SAXO5: variants seen among roughly 807,000 people sequenced by gnomAD.
SAXO5 encodes stabilizer of axonemal microtubules 5.
chr19:7,501,297 C>T, the SAXO5 span: 2 of 1,573,546 alleles, frequency 1.3e-6, no homozygotes, highest in Non-Finnish European at 1.7e-6. Flanking sequence ...CTCCCTGCCT[C>T]CTGGCGACCG....
chr19:7,506,910 C>A, the SAXO5 span: 1 of 639,696 alleles, frequency 1.6e-6, no homozygotes. Context: ...TCCTCCCTCC[C>A]CCCTCTCCTA....
the SAXO5 span, chr19:7,506,770 T>A: frequency 2.5e-6 from 1 of 392,424 alleles, no homozygotes; most frequent in Non-Finnish European, 4.6e-6. Context: ...CTTCCCCAGC[T>A]CCTCTCTCCT....
chr19:7,506,874 C>T, the SAXO5 span: 2 of 586,900 alleles, frequency 3.4e-6, no homozygotes. Context: ...CTCCCCCTTC[C>T]TCTGGCTTCT....
the SAXO5 span, chr19:7,501,028 T>G: frequency 6.6e-7 from 1 of 1,524,436 alleles, no homozygotes; most frequent in Non-Finnish European, 8.7e-7. Flanking sequence ...CTTTTCCCAA[T>G]GGACCCGCGC....
the SAXO5 span, among the ~76,000 whole-genome samples, chr19:7,505,065 C>G: frequency 6.6e-6 from 1 of 151,116 alleles, no homozygotes; most frequent in Non-Finnish European, 1.5e-5. Context: ...CTCACTGCAA[C>G]CTCCGCCTCC....
At chr19:7,506,901 C>T in the SAXO5 span, 1 of 602,726 alleles carries the variant, frequency 1.7e-6, no homozygotes, top group Non-Finnish European at 3.0e-6. Flanking sequence ...TTCTTTGGCT[C>T]CTCCCTCCCC....
the SAXO5 span, chr19:7,501,442 G>A: frequency 2.1e-6 from 3 of 1,436,832 alleles, no homozygotes; most frequent in Non-Finnish European, 2.7e-6. Flanking sequence ...GCTTCACATT[G>A]TGGTTCTCAA....
At chr19:7,506,829 T>C in the SAXO5 span, 1 of 337,772 alleles carries the variant, frequency 3.0e-6, no homozygotes, top group Non-Finnish European at 5.6e-6. Context: ...CCCCAGCGCC[T>C]ACCTCTTTCC....
the SAXO5 span, among the ~76,000 whole-genome samples, chr19:7,501,815 C>T: frequency 1.3e-5 from 2 of 148,658 alleles, no homozygotes; most frequent in South Asian, 4.3e-4. Flanking sequence ...AGCAAGGCTC[C>T]GTCTCAAAAA....
At chr19:7,500,776 G>C in the SAXO5 span, 1 of 1,403,400 alleles carries the variant, frequency 7.1e-7, no homozygotes, top group Non-Finnish European at 9.3e-7. Context: ...ATGGGCACTT[G>C]CTCAGTCCCT....
chr19:7,504,367 G>A, the SAXO5 span: 161 of 1,614,148 alleles, frequency 1.0e-4, 1 homozygote, highest in African/African-American at 1.4e-3. Context: ...CAACGTGTTC[G>A]GAGCAGAAAC....
chr19:7,501,045 C>A, the SAXO5 span: 1 of 1,514,902 alleles, frequency 6.6e-7, no homozygotes, highest in African/African-American at 1.4e-5. Flanking sequence ...GCGCTGGGAC[C>A]GGGAAGAGCG....
chr19:7,506,437 C>G, the SAXO5 span: 1 of 518,534 alleles, frequency 1.9e-6, no homozygotes, highest in East Asian at 3.8e-5. Flanking sequence ...CCCGCCCCTT[C>G]ATGGCCATGC....
the SAXO5 span, among the ~76,000 whole-genome samples, chr19:7,498,095 G>A: frequency 0.025 from 3,742 of 147,704 alleles, 65 homozygotes; most frequent in Middle Eastern, 0.055. Flanking sequence ...AGGTTGCAGT[G>A]AGCTGAGAAA....
At chr19:7,497,779 A>G in the SAXO5 span, 1 of 152,214 alleles carries the variant, frequency 6.6e-6, no homozygotes, top group Non-Finnish European at 1.5e-5. Flanking sequence ...TAGTAGTCTC[A>G]GTTGTTGGAT....
At chr19:7,506,700 T>TC in the SAXO5 span, 1 of 354,218 alleles carries the variant, frequency 2.8e-6, no homozygotes, top group Non-Finnish European at 5.3e-6. Flanking sequence ...CCCAAGCTCC[T>TC]CCCCCTTTCT....
the SAXO5 span, among the ~76,000 whole-genome samples, chr19:7,502,468 A>G: frequency 6.6e-5 from 10 of 152,196 alleles, no homozygotes; most frequent in Non-Finnish European, 1.3e-4. Flanking sequence ...CAGCGGGTAG[A>G]GGCCAGAGAT....
chr19:7,501,459 G>T, the SAXO5 span: 1 of 1,397,222 alleles, frequency 7.2e-7, no homozygotes, highest in Non-Finnish European at 9.3e-7. Context: ...TCAAACAGGG[G>T]CAAGGGCTCT....
the SAXO5 span, chr19:7,504,323 G>A: frequency 6.2e-7 from 1 of 1,614,114 alleles, no homozygotes; most frequent in Admixed American, 1.7e-5. Flanking sequence ...CTCCTCCGGA[G>A]TGGAGCTGGG....
Sources: allele counts gnomAD v4.1 joint callset (sites outside exome capture counted in the v4.1 genomes callset), GRCh38; gene constraint gnomAD v4.1.1; transcripts MANE v1.5; gene names NCBI Gene and HGNC (gene_info 2026-07-23, HGNC 2026-07-21).